The following STK3 variants were observed in gnomAD, a reference collection of about 807,000 sequenced individuals.
STK3 encodes the protein serine/threonine-protein kinase 3.
STK3 carries 41 observed loss-of-function variants against 58.0 expected under a neutral mutation model. The observed-to-expected ratio is 0.71, with a 90% CI of 0.55 to 0.92. The LOEUF (loss-of-function observed/expected upper bound fraction) is 0.92, where lower values mean the gene tolerates loss of function less well. Ranked by LOEUF, STK3 falls within the 40% of genes least tolerant of loss-of-function variation. STK3 has a pLI of 0.00. For synonymous variants in STK3, 170 were observed against 191.0 expected (o/e 0.89, Z 0.91); for missense variants, 479 against 602.7 (o/e 0.79, Z 2.15).
chr8:98,523,909 T>A (rs940237582), intron 10 of STK3, among the ~76,000 whole-genome samples: 36 of 152,352 alleles, frequency 2.4e-4, no homozygotes, highest in African/African-American at 8.4e-4. Context: ...TTTAGTGTCA[T>A]AGCCTAGAAA....
At chr8:98,719,614 T>C (rs566936697) in intron 4 of STK3, among the ~76,000 whole-genome samples, 15 of 152,368 alleles carry the variant, frequency 9.8e-5, no homozygotes, top group African/African-American at 1.4e-4. Context: ...ATTCCAACTC[T>C]ATGATTCTAT....
chr8:98,594,034 G>A (rs985252798), intron 7 of STK3, among the ~76,000 whole-genome samples: 4 of 152,214 alleles, frequency 2.6e-5, no homozygotes, highest in East Asian at 1.9e-4. Context: ...TCAGCAGGGC[G>A]AGATAGCTCA....
chr8:98,730,715 C>CAA (rs36085293), intron 4 of STK3, among the ~76,000 whole-genome samples: 777 of 63,018 alleles, frequency 0.012, 2 homozygotes, highest in Non-Finnish European at 0.014. Flanking sequence ...GACTCCGTCT[C>CAA]AAAAAAAAAA....
chr8:98,568,514 TAC>T (rs1174800099), intron 8 of STK3, among the ~76,000 whole-genome samples: 1 of 152,192 alleles, frequency 6.6e-6, no homozygotes, highest in African/African-American at 2.4e-5. Context: ...GTTCCACTCT[TAC>T]ACACAGAGCT....
intron 10 of STK3, among the ~76,000 whole-genome samples, chr8:98,514,410 G>C (rs970717495): frequency 6.6e-6 from 1 of 152,024 alleles, no homozygotes; most frequent in Admixed American, 6.6e-5. Context: ...AGTTGTAACT[G>C]TTTAAAAGTT....
At chr8:98,530,474 G>A (rs1826089254) in intron 9 of STK3, among the ~76,000 whole-genome samples, 2 of 152,086 alleles carry the variant, frequency 1.3e-5, no homozygotes, top group South Asian at 4.1e-4. Context: ...GAGAGGCCTG[G>A]TGCTAGTCCA....
At chr8:98,539,026 C>G (rs768006763) in intron 9 of STK3, among the ~76,000 whole-genome samples, 2 of 152,246 alleles carry the variant, frequency 1.3e-5, no homozygotes, top group East Asian at 3.9e-4. Flanking sequence ...TGTCATATCC[C>G]GGGCAACATT....
At chr8:98,872,774 T>C (rs1837425722) in intron 3 of STK3, among the ~76,000 whole-genome samples, 1 of 152,224 alleles carries the variant, frequency 6.6e-6, no homozygotes, top group African/African-American at 2.4e-5. Context: ...ATTTTGTTGA[T>C]CTTTTCAAAA....
intron 9 of STK3, among the ~76,000 whole-genome samples, chr8:98,544,027 A>G (rs1272331665): frequency 2.0e-5 from 3 of 151,952 alleles, no homozygotes; most frequent in Non-Finnish European, 4.4e-5. Context: ...AGTTTAGAAC[A>G]TAAGAGAGTG....
At chr8:98,703,186 T>C (rs899108994) in intron 6 of STK3, among the ~76,000 whole-genome samples, 1 of 152,178 alleles carries the variant, frequency 6.6e-6, no homozygotes, top group Non-Finnish European at 1.5e-5. Flanking sequence ...AAATGTCTTA[T>C]TTTTGTTAGC....
chr8:98,897,685 CTTAA>C (rs1267543500), intron 1 of STK3, among the ~76,000 whole-genome samples: 2 of 152,154 alleles, frequency 1.3e-5, no homozygotes, highest in African/African-American at 4.8e-5. Context: ...CACATTGGCA[CTTAA>C]TTATAAAAGA....
At chr8:98,675,192 T>C (rs929965920) in intron 6 of STK3, among the ~76,000 whole-genome samples, 10 of 152,230 alleles carry the variant, frequency 6.6e-5, no homozygotes, top group African/African-American at 2.4e-4. Flanking sequence ...ACAGATTTTA[T>C]ATCAAACATG....
intron 6 of STK3, among the ~76,000 whole-genome samples, chr8:98,615,169 C>G (rs1162936774): frequency 6.6e-6 from 1 of 151,788 alleles, no homozygotes. Flanking sequence ...CCCCGAGCAG[C>G]CTAACTGGGA....
At chr8:98,489,338 C>G (rs933625094) in intron 10 of STK3, among the ~76,000 whole-genome samples, 1 of 152,046 alleles carries the variant, frequency 6.6e-6, no homozygotes, top group Non-Finnish European at 1.5e-5. Flanking sequence ...AGCCCAATGT[C>G]AGGAGTTAAT....
downstream of STK3, chr8:98,879,815 AT>A (rs1312161207): frequency 9.2e-5 from 14 of 152,270 alleles, no homozygotes; most frequent in African/African-American, 2.7e-4. Context: ...GATTAAATCA[AT>A]AACATGATAA....
intron 3 of STK3, among the ~76,000 whole-genome samples, chr8:98,870,563 T>C (rs1209518116): frequency 2.0e-5 from 3 of 152,252 alleles, no homozygotes; most frequent in Non-Finnish European, 4.4e-5. Flanking sequence ...TATCTCATTG[T>C]GGTTTTGATT....
intron 3 of STK3, among the ~76,000 whole-genome samples, chr8:98,843,235 A>G (rs999818359): frequency 1.3e-5 from 2 of 152,156 alleles, no homozygotes; most frequent in Non-Finnish European, 2.9e-5. Context: ...CTCTGTTTCT[A>G]TAACTCTGCA....
chr8:98,794,915 A>G (rs1199036863), intron 1 of STK3, among the ~76,000 whole-genome samples: 2 of 150,958 alleles, frequency 1.3e-5, no homozygotes, highest in Non-Finnish European at 3.0e-5. Flanking sequence ...TAAAAAACCC[A>G]AGTTAGCCAG....
intron 1 of STK3, chr8:98,438,949 G>A (rs2131091686): frequency 6.6e-6 from 1 of 152,318 alleles, no homozygotes; most frequent in East Asian, 1.9e-4. Flanking sequence ...TCACCCGTGG[G>A]GAGAAGGGGA....
Sources: allele counts gnomAD v4.1 joint callset (sites outside exome capture counted in the v4.1 genomes callset), GRCh38; gene constraint gnomAD v4.1.1; transcripts MANE v1.5; gene names NCBI Gene and HGNC (gene_info 2026-07-23, HGNC 2026-07-21).